The following CNNM1 variants were observed in gnomAD, a reference collection of about 807,000 sequenced individuals.
The protein encoded by CNNM1 is cyclin and CBS domain divalent metal cation transport mediator 1.
Under a neutral mutation model 78.8 loss-of-function variants are expected in CNNM1, and 44 were observed. The observed-to-expected ratio is 0.56, with a 90% CI of 0.44 to 0.72. The LOEUF (loss-of-function observed/expected upper bound fraction) is 0.72, where lower values mean the gene tolerates loss of function less well. CNNM1 is among the 30% of genes least tolerant of loss of function. The pLI, the probability that CNNM1 is intolerant of heterozygous loss-of-function variation, is 0.00. For missense variants in CNNM1, 1,101 were observed against 1,292.2 expected (o/e 0.85, Z 2.27); for synonymous variants, 584 against 581.5 (o/e 1.00, Z -0.06).
intron 1 of CNNM1, among the ~76,000 whole-genome samples, chr10:99,338,793 G>GA (rs2030313325): frequency 1.3e-5 from 2 of 151,954 alleles, no homozygotes; most frequent in African/African-American, 2.4e-5. Context: ...AAAACAAAAG[G>GA]AAAAGCCCAT....
intron 6 of CNNM1, among the ~76,000 whole-genome samples, chr10:99,368,125 G>C (rs996321016): frequency 3.9e-5 from 6 of 152,198 alleles, no homozygotes; most frequent in African/African-American, 1.2e-4. Flanking sequence ...GGATCTCCTA[G>C]GAGTCTGAGG....
In CNNM1 at chr10:99,329,443, G is replaced by A; in HGVS notation, c.56G>A (p.Cys19Tyr). The A allele has an allele frequency of 1.5e-6, 2 of 1,293,786 alleles. No individual in the cohort carries two copies. Among genetic ancestry groups the A allele is most frequent in the Non-Finnish European group, 2.1e-6 (2 of 950,970 alleles). 80.1% of individuals were successfully genotyped at this position (1,293,786 alleles called of 1,614,324 possible). The change falls in exon 1 of 11, where the codon TGC becomes TAC. Residue 19 changes from cysteine to tyrosine, a missense_variant. Transcript: ENST00000356713. Reference sequence around the variant, plus strand: ...GTGGGTGTCAGGCTCCGGGACTGCTGCAGCCGAGGCGCTGTGCTCCTGCTC... The same window carrying A: ...GTGGGTGTCAGGCTCCGGGACTGCTACAGCCGAGGCGCTGTGCTCCTGCTC... Reference protein sequence around the residue: ...AAVGVRLRDCCSRGAVLLLFF... With the variant: ...AAVGVRLRDCYSRGAVLLLFF...
At chr10:99,361,079 C>A in intron 3 of CNNM1, 104 bp downstream of exon 3, 2 of 1,267,948 alleles carry the variant, frequency 1.6e-6, no homozygotes, top group Non-Finnish European at 1.1e-6. Flanking sequence ...AGTGTGCTGT[C>A]AGGACTGAGA....
At chr10:99,368,606 C>T in intron 6 of CNNM1, 1 of 1,289,554 alleles carries the variant, frequency 7.8e-7, no homozygotes, top group Non-Finnish European at 1.0e-6. Flanking sequence ...TCCTTGGCCC[C>T]TGACTCTTTA....
intron 1 of CNNM1, among the ~76,000 whole-genome samples, chr10:99,339,157 G>A (rs890502034): frequency 1.3e-5 from 2 of 152,202 alleles, no homozygotes; most frequent in African/African-American, 2.4e-5. Context: ...CACAACCCAC[G>A]TATGCTAGGC....
chr10:99,390,485 T>C (rs1016819211), intron 10 of CNNM1, 78 bp downstream of exon 10: 2 of 1,077,466 alleles, frequency 1.9e-6, no homozygotes, highest in Non-Finnish European at 1.4e-6. Flanking sequence ...CATCTTCCTC[T>C]TGGGGGAGGA....
chr10:99,329,637 G>A lies in CNNM1; in HGVS notation c.250G>A (p.Ala84Thr). The A allele has an allele frequency of 4.6e-6, 7 of 1,517,136 alleles. No individual in the cohort carries two copies. Among genetic ancestry groups the A allele is most frequent in the Non-Finnish European group, 6.1e-6 (7 of 1,141,016 alleles). The allele number at this position is 1,517,136 out of a possible 1,614,324, so 94.0% of individuals were successfully genotyped here. A position where few individuals can be genotyped will look rare whatever the true frequency, so the allele number is the denominator to read the frequency against. The change falls in exon 1 of 11, where the codon GCC (alanine) becomes ACC (threonine). Residue 84 changes from alanine (A) to threonine (T), a missense_variant. By Grantham distance (58) the Ala-to-Thr change is moderately conservative. This residue lies in a region of CNNM1 where 476 missense variants were observed against 484.5 expected (regional missense o/e 0.98). Coordinates refer to ENST00000356713, the MANE Select transcript of CNNM1 (RefSeq NM_020348.3). Reference sequence around the variant, plus strand: ...TTTCCAGCCAGGACCGCCGGCCACCGCCGCACCGGTGCCCTCACCGACCCT... The same window carrying A: ...TTTCCAGCCAGGACCGCCGGCCACCACCGCACCGGTGCCCTCACCGACCCT... ...VYFQPGPPAT[A>T]APVPSPTLNS...
Position 99,392,335 on chromosome 10 carries a change from C to T in CNNM1, c.*819C>T, listed in dbSNP as rs2032496555. 6.6e-6 allele frequency: 1 copy of T among 152,574 alleles called. No individual in the cohort carries two copies. Among genetic ancestry groups the T allele is most frequent in the African/African-American group, 2.4e-5 (1 of 41,432 alleles). The allele number at this position is 152,574 out of a possible 1,614,324, so 9.5% of individuals were successfully genotyped here. On this transcript the variant is annotated 3_prime_UTR_variant, in exon 11 of 11. Transcript: ENST00000356713. ...GGGAGCCAGAGATGGAACTTCAGGT[C>T]TTAAGTGCAAATCAAAGCAAAAAAC...
chr10:99,356,605 A>AAAGAAAGAAAG (rs1491432735), intron 1 of CNNM1, among the ~76,000 whole-genome samples: 2 of 56,388 alleles, frequency 3.5e-5, no homozygotes, highest in Non-Finnish European at 1.2e-4. Flanking sequence ...AGAAAGAAAG[A>AAAGAAAGAAAG]AAAGAAAGAA....
chr10:99,329,743 C>CCCCCAGCGCGGT lies in CNNM1; in HGVS notation c.362_373dup (p.Ser121_Pro124dup). ...GAGCCCCCGGGCGGTGGCGGCGTGG[C>CCCCCAGCGCGGT]CCCCAGCGCGGTCCCCACTCGCCCC... On this transcript the variant is annotated inframe_insertion, in exon 1 of 11. Transcript: ENST00000356713. 1 of 1,502,948 alleles carries CCCCCAGCGCGGT rather than the reference C, an allele frequency of 6.7e-7. No individual in the cohort carries two copies. The highest frequency in any genetic ancestry group is 8.8e-7 in the Non-Finnish European group (1 of 1,135,468). 93.1% of individuals were successfully genotyped at this position (1,502,948 alleles called of 1,614,324 possible).
At chr10:99,340,862 C>CTTCT in intron 1 of CNNM1, among the ~76,000 whole-genome samples, 1 of 132,004 alleles carries the variant, frequency 7.6e-6, no homozygotes, top group Non-Finnish European at 1.5e-5. Context: ...TCCTTCCCCG[C>CTTCT]TTCCTTCCTT....
intron 1 of CNNM1, among the ~76,000 whole-genome samples, chr10:99,333,987 T>A (rs1207194413): frequency 1.3e-5 from 2 of 152,220 alleles, no homozygotes; most frequent in Non-Finnish European, 2.9e-5. Flanking sequence ...ATATTTCCAC[T>A]TCCTTTCATA....
intron 9 of CNNM1, among the ~76,000 whole-genome samples, chr10:99,389,327 G>A (rs1298107674): frequency 6.8e-6 from 1 of 146,984 alleles, no homozygotes; most frequent in East Asian, 2.0e-4. Context: ...TGAGGCAGGA[G>A]AATCGCTTGA....
intron 7 of CNNM1, among the ~76,000 whole-genome samples, chr10:99,378,769 C>A (rs7069535): frequency 0.89 from 135,197 of 152,238 alleles, 60,171 homozygotes; most frequent in African/African-American, 0.91. Context: ...GTATAGGGTC[C>A]CATGGCTAGT....
At chr10:99,340,814 C>CTTTCTTTTCT (rs376121477) in intron 1 of CNNM1, among the ~76,000 whole-genome samples, 1 of 132,070 alleles carries the variant, frequency 7.6e-6, no homozygotes, top group African/African-American at 2.8e-5. Context: ...CTCTTTCTTT[C>CTTTCTTTTCT]TTTCTTTTCT....
chr10:99,383,778 G>A (rs2032227092), intron 7 of CNNM1, among the ~76,000 whole-genome samples: 2 of 152,128 alleles, frequency 1.3e-5, no homozygotes, highest in Admixed American at 6.5e-5. Context: ...TTGGCCCTGC[G>A]AGGCCAGGTC....
At chr10:99,357,962 C>T (rs1368697490) in intron 2 of CNNM1, among the ~76,000 whole-genome samples, 8 of 152,194 alleles carry the variant, frequency 5.3e-5, no homozygotes, top group Non-Finnish European at 1.2e-4. Flanking sequence ...GTTCCCAGGA[C>T]GGTGCCCAGA....
At position 99,364,480 on chromosome 10, in the gene CNNM1, T is replaced by A; in HGVS notation, c.2092T>A (p.Tyr698Asn). 6.2e-7 allele frequency: 1 copy of A among 1,612,738 alleles called. No homozygotes were observed. Among genetic ancestry groups the A allele is most frequent in the African/African-American group, 1.3e-5 (1 of 75,034 alleles). Residue 698 changes from tyrosine to asparagine, a missense_variant, in exon 5 of 11, where the codon TAT becomes AAT. Coordinates refer to ENST00000356713, the MANE Select transcript of CNNM1 (RefSeq NM_020348.3). ...CTTTGAAAATGGAGCCTTTACTTAC[T>A]ATGGCGTCCCAGCCATCATGACCAC... ...LRFENGAFTY[Y>N]GVPAIMTTAC...
intron 9 of CNNM1, among the ~76,000 whole-genome samples, chr10:99,388,796 T>C (rs1394219522): frequency 1.3e-5 from 2 of 152,212 alleles, no homozygotes; most frequent in Non-Finnish European, 2.9e-5. Flanking sequence ...ATTAGGAAAC[T>C]GATGTCAGCC....
Sources: gnomAD v4.1 joint callset for allele counts (sites outside exome capture counted in the v4.1 genomes callset) on GRCh38, gnomAD v4.1.1 for gene constraint, gnomAD v4.1.1 regional missense constraint, MANE v1.5 for transcripts, NCBI Gene and HGNC (gene_info 2026-07-23, HGNC 2026-07-21) for gene names.